Variants in PRKG1 observed in about 807,000 individuals in gnomAD.
PRKG1 encodes protein kinase cGMP-dependent 1.
In PRKG1, 35 loss-of-function variants were observed where a neutral mutation model predicts 88.1. The observed-to-expected ratio is 0.40, with a 90% CI of 0.30 to 0.53. The LOEUF is 0.53. PRKG1 is among the 20% of genes least tolerant of loss of function. The pLI is 0.59. For synonymous variants in PRKG1, 303 were observed against 292.5 expected (o/e 1.04, Z -0.37); for missense variants, 540 against 839.8 (o/e 0.64, Z 4.41).
chr10:51,582,376 A>G (rs11592637), intron 3 of PRKG1, among the ~76,000 whole-genome samples: 85,530 of 151,956 alleles, frequency 0.56, 25,200 homozygotes, highest in Non-Finnish European at 0.65. Context: ...GGTTTGTTAC[A>G]TAGGTAAACG....
chr10:51,109,868 AT>A (rs1469134059), intron 1 of PRKG1, among the ~76,000 whole-genome samples: 1 of 152,188 alleles, frequency 6.6e-6, no homozygotes, highest in Non-Finnish European at 1.5e-5. Context: ...TATCCAAAAT[AT>A]GAAAAGAACC....
chr10:51,623,854 T>G (rs1331626114), intron 3 of PRKG1, among the ~76,000 whole-genome samples: 1 of 152,150 alleles, frequency 6.6e-6, no homozygotes, highest in Non-Finnish European at 1.5e-5. Flanking sequence ...GACGTTGGGT[T>G]CTAATGTTTT....
At chr10:51,689,499 TG>T (rs1022622824) in intron 3 of PRKG1, among the ~76,000 whole-genome samples, 2 of 152,102 alleles carry the variant, frequency 1.3e-5, no homozygotes, top group African/African-American at 4.8e-5. Flanking sequence ...TCATCAAGTT[TG>T]GTGGGTGCAT....
intron 14 of PRKG1, among the ~76,000 whole-genome samples, chr10:52,287,600 C>T (rs1308013360): frequency 6.6e-6 from 1 of 151,824 alleles, no homozygotes; most frequent in East Asian, 1.9e-4. Flanking sequence ...ATCATCATCT[C>T]CCCTCTGAAT....
chr10:52,022,860 G>C (rs1351373407), intron 5 of PRKG1, among the ~76,000 whole-genome samples: 2 of 152,114 alleles, frequency 1.3e-5, no homozygotes, highest in African/African-American at 4.8e-5. Context: ...AGAATCCACA[G>C]CAGAAAAACA....
intron 7 of PRKG1, among the ~76,000 whole-genome samples, chr10:52,120,199 A>G (rs944711262): frequency 2.0e-5 from 3 of 152,196 alleles, no homozygotes; most frequent in Admixed American, 6.5e-5. Flanking sequence ...TCTCATGACC[A>G]AATCACCTCT....
rs114310030 is a variant in PRKG1, at chr10:52,095,384, G to A, written c.935+32753G>A. Among the ~76,000 whole-genome samples the A allele has an allele frequency of 3.2e-3, 487 of 151,866 alleles. 2 individuals are homozygous for A. The highest frequency in any genetic ancestry group is 0.011 in the African/African-American group (460 of 41,390). On this transcript the variant is annotated intron_variant, in intron 7 of 17. Transcript: ENST00000373980. ...CCTTATCCCTAATTATTTTATCCTG[G>A]TCTCTATATTGTTTCCATAGTACTT... is the stretch of plus-strand genomic sequence containing the variant.
Position 51,690,882 on chromosome 10 carries a change from C to A in PRKG1, c.593-113703C>A, listed in dbSNP as rs527888585. On this transcript the variant is annotated intron_variant, in intron 3 of 17. Coordinates refer to ENST00000373980, the MANE Select transcript of PRKG1 (RefSeq NM_006258.4). ...CAGAGGTTGCAGTGAGCCAAGATTG[C>A]ACCACTACACCCCCCAGCCTGGCGA... 1.4e-3 allele frequency among the ~76,000 whole-genome samples: 197 copies of A among 137,256 alleles called. 6 individuals carry two copies. The highest frequency in any genetic ancestry group is 8.3e-3 in the Middle Eastern group (2 of 242). 90.0% of individuals were successfully genotyped at this position (137,256 alleles called of 152,430 possible). A position where few individuals can be genotyped will look rare whatever the true frequency, so the allele number is the denominator to read the frequency against.
At chr10:51,099,751 GGA>G (rs1844633315) in intron 1 of PRKG1, among the ~76,000 whole-genome samples, 1 of 152,108 alleles carries the variant, frequency 6.6e-6, no homozygotes, top group Non-Finnish European at 1.5e-5. Context: ...TCTTCTCCCT[GGA>G]AATGTGTAGG....
At chr10:52,025,973 T>G (rs1427416855) in intron 5 of PRKG1, among the ~76,000 whole-genome samples, 2 of 151,606 alleles carry the variant, frequency 1.3e-5, no homozygotes, top group African/African-American at 4.8e-5. Flanking sequence ...AACAGATATA[T>G]AGACCAATGG....
intron 9 of PRKG1, among the ~76,000 whole-genome samples, chr10:52,224,808 C>CATATATATATATCTATATATATAT (rs1840342794): frequency 9.4e-6 from 1 of 106,370 alleles, no homozygotes. Context: ...AGTATTCCAT[C>CATATATATATATCTATATATATAT]ATATATATAT....
intron 3 of PRKG1, among the ~76,000 whole-genome samples, chr10:51,632,793 C>T (rs553597498): frequency 1.6e-4 from 24 of 152,206 alleles, no homozygotes; most frequent in African/African-American, 3.6e-4. Context: ...CACTTACTGA[C>T]GCATGCCTCT....
chr10:51,688,424 G>A (rs180709244), intron 3 of PRKG1, among the ~76,000 whole-genome samples: 77 of 152,214 alleles, frequency 5.1e-4, no homozygotes, highest in African/African-American at 1.3e-3. Flanking sequence ...GCGTAATCCC[G>A]TGGAGGTTAA....
At chr10:52,114,809 A>C (rs1469504806) in intron 7 of PRKG1, among the ~76,000 whole-genome samples, 2 of 152,134 alleles carry the variant, frequency 1.3e-5, no homozygotes, top group African/African-American at 2.4e-5. Context: ...ATTAAGTATT[A>C]TTTAATGATA....
intron 8 of PRKG1, among the ~76,000 whole-genome samples, chr10:52,156,266 A>C (rs1838093939): frequency 6.6e-6 from 1 of 151,954 alleles, no homozygotes; most frequent in African/African-American, 2.4e-5. Flanking sequence ...ACTATCTGAT[A>C]TGATTTTGAG....
intron 3 of PRKG1, among the ~76,000 whole-genome samples, chr10:51,627,627 T>C (rs1432084495): frequency 6.6e-6 from 1 of 152,286 alleles, no homozygotes; most frequent in African/African-American, 2.4e-5. Flanking sequence ...GCAATTACAG[T>C]TGGAAGGCAG....
At chr10:52,157,306 G>GATATATATATATATATAT (rs142784154) in intron 8 of PRKG1, among the ~76,000 whole-genome samples, 6 of 125,934 alleles carry the variant, frequency 4.8e-5, no homozygotes, top group African/African-American at 1.7e-4. Flanking sequence ...TGAGTTAGTT[G>GATATATATATATATATAT]ATATATATAT....
intron 5 of PRKG1, among the ~76,000 whole-genome samples, chr10:51,957,124 G>T (rs558828217): frequency 1.4e-4 from 15 of 108,720 alleles, no homozygotes; most frequent in East Asian, 9.0e-4. Flanking sequence ...TTTCTTTCCT[G>T]CTTTCTTTCT....
Position 51,186,954 on chromosome 10 carries a change from T to TTTTATATATA in PRKG1, c.478+33625_478+33626insTTATATATAT, listed in dbSNP as rs1318166640. ...AAAATGAGTTTTGCAAGGCCCTGTG[T>TTTTATATATA]TATATATATATATATATATATATAT... On this transcript the variant is annotated intron_variant, in intron 2 of 17. Coordinates refer to ENST00000373980, the MANE Select transcript of PRKG1 (RefSeq NM_006258.4). 4.4e-3 allele frequency among the ~76,000 whole-genome samples: 573 copies of TTTTATATATA among 131,218 alleles called. 4 individuals carry two copies. Among genetic ancestry groups the TTTTATATATA allele is most frequent in the African/African-American group, 5.2e-3 (173 of 33,374 alleles). 86.1% of individuals were successfully genotyped at this position (131,218 alleles called of 152,430 possible). A position where few individuals can be genotyped will look rare whatever the true frequency, so the allele number is the denominator to read the frequency against.
Sources: allele counts gnomAD v4.1 joint callset (sites outside exome capture counted in the v4.1 genomes callset), GRCh38; gene constraint gnomAD v4.1.1; transcripts MANE v1.5; gene names NCBI Gene and HGNC (gene_info 2026-07-23, HGNC 2026-07-21).